C10orf67: variants seen among roughly 807,000 people sequenced by gnomAD.
C10orf67 encodes chromosome 10 open reading frame 67, also known as uncharacterized protein C10orf67, mitochondrial.
In C10orf67, 60 loss-of-function variants were observed where a neutral mutation model predicts 35.6. The ratio of observed to expected loss-of-function variants is 1.68; its 90% confidence interval spans 1.37 to 2.09. The LOEUF is 2.09. C10orf67 is among the 30% of genes most tolerant of loss of function. C10orf67 has a pLI of 0.00. For synonymous variants in C10orf67, 167 were observed against 115.8 expected, an observed-to-expected ratio of 1.44 and a Z score of -2.84; for missense variants, 474 against 330.2, an observed-to-expected ratio of 1.44 and a Z score of -3.38.
intron 2 of C10orf67, among the ~76,000 whole-genome samples, chr10:23,326,661 A>C (rs1845206287): frequency 6.6e-6 from 1 of 152,164 alleles, no homozygotes; most frequent in South Asian, 2.1e-4. Context: ...ATGAGTTTGT[A>C]ATGTATGTAT....
intron 4 of C10orf67, among the ~76,000 whole-genome samples, chr10:23,305,967 G>A (rs79808774): frequency 0.025 from 3,783 of 149,490 alleles, 162 homozygotes; most frequent in African/African-American, 0.087. Context: ...TTACATACGC[G>A]CACACACACA....
chr10:23,316,256 G>T (rs900280671), intron 4 of C10orf67, among the ~76,000 whole-genome samples: 5 of 152,214 alleles, frequency 3.3e-5, no homozygotes, highest in Non-Finnish European at 5.9e-5. Flanking sequence ...TGACAAAGGT[G>T]CCAGCTCCCT....
chr10:23,325,545 A>C (rs4489644), intron 2 of C10orf67, among the ~76,000 whole-genome samples: 56,949 of 140,718 alleles, frequency 0.4, 11,519 homozygotes, highest in Admixed American at 0.45. Flanking sequence ...AAAAAAAAAA[A>C]ACAAAAAACA....
intron 10 of C10orf67, among the ~76,000 whole-genome samples, chr10:23,252,789 T>C (rs1391763867): frequency 6.6e-6 from 1 of 152,194 alleles, no homozygotes; most frequent in Non-Finnish European, 1.5e-5. Context: ...ACACTTTGAG[T>C]CTCAGGTACC....
In C10orf67 at chr10:23,247,530, G is replaced by T. The variant is rs1007077331; in HGVS notation, c.1346+2925C>A. 3.3e-5 allele frequency among the ~76,000 whole-genome samples: 5 copies of T among 152,044 alleles called. No homozygotes were observed. In the East Asian group the frequency reaches 9.6e-4, roughly 29 times the overall value. On this transcript the variant is annotated intron_variant, in intron 12 of 15. Transcript: ENST00000636213. ...AAGATGCTCACACAATGATGAAATC[G>T]CCTAATGACACATTTCTCAGAATCT...
chr10:23,297,870 C>T (rs761439524), intron 5 of C10orf67, among the ~76,000 whole-genome samples: 54 of 152,162 alleles, frequency 3.5e-4, no homozygotes, highest in Non-Finnish European at 5.1e-4. Context: ...CCATTCACAT[C>T]GTAAGATATC....
intron 12 of C10orf67, among the ~76,000 whole-genome samples, chr10:23,241,119 G>C (rs1226283733): frequency 6.6e-6 from 1 of 152,208 alleles, no homozygotes; most frequent in African/African-American, 2.4e-5. Flanking sequence ...GCGTTATGCT[G>C]AAACAATTTC....
At chr10:23,277,776 C>T (rs1036755009) in intron 8 of C10orf67, among the ~76,000 whole-genome samples, 27 of 152,064 alleles carry the variant, frequency 1.8e-4, no homozygotes, top group African/African-American at 5.5e-4. Context: ...ATAGATAAAA[C>T]CCATCTGTGT....
At chr10:23,286,086 A>C (rs1186804659) in intron 7 of C10orf67, among the ~76,000 whole-genome samples, 31 of 152,076 alleles carry the variant, frequency 2.0e-4, no homozygotes, top group Admixed American at 2.0e-3. Context: ...GAAGAGCTTG[A>C]GAAACATTTT....
chr10:23,305,097 C>T (rs1347582838), intron 4 of C10orf67, among the ~76,000 whole-genome samples: 1 of 152,168 alleles, frequency 6.6e-6, no homozygotes, highest in Non-Finnish European at 1.5e-5. Flanking sequence ...GAAGTGTCTG[C>T]TCATCCAAAT....
At chr10:23,298,090 C>T (rs1456190247) in intron 5 of C10orf67, among the ~76,000 whole-genome samples, 1 of 152,054 alleles carries the variant, frequency 6.6e-6, no homozygotes, top group Admixed American at 6.6e-5. Flanking sequence ...CCCATCTCCA[C>T]TAAAAATACA....
At chr10:23,322,598 A>G (rs1588694281) in intron 2 of C10orf67, 61 bp from the exon 3 acceptor site, 1 of 1,145,350 alleles carries the variant, frequency 8.7e-7, no homozygotes, top group East Asian at 2.5e-5. Flanking sequence ...CAAATACTGC[A>G]TGTTGTCACT....
intron 7 of C10orf67, among the ~76,000 whole-genome samples, chr10:23,288,179 C>T (rs142812199): frequency 0.024 from 3,641 of 152,220 alleles, 143 homozygotes; most frequent in African/African-American, 0.083. Context: ...CATATGTTTA[C>T]TGCAGCATTA....
intron 8 of C10orf67, among the ~76,000 whole-genome samples, chr10:23,280,218 A>G (rs1056907490): frequency 6.6e-6 from 1 of 152,178 alleles, no homozygotes; most frequent in Non-Finnish European, 1.5e-5. Flanking sequence ...TGCACTCTTA[A>G]CAAGTCAGAA....
At chr10:23,256,507 G>C (rs1842605781) in intron 10 of C10orf67, among the ~76,000 whole-genome samples, 1 of 152,152 alleles carries the variant, frequency 6.6e-6, no homozygotes, top group Non-Finnish European at 1.5e-5. Flanking sequence ...TGAGAGCCAT[G>C]AACAGTTCAT....
chr10:23,242,181 G>A (rs1258676499), intron 12 of C10orf67, among the ~76,000 whole-genome samples: 1 of 151,978 alleles, frequency 6.6e-6, no homozygotes, highest in Admixed American at 6.6e-5. Flanking sequence ...TGTGTTGTGA[G>A]GCTGGTCTTG....
At chr10:23,246,334 A>G (rs1842315938) in intron 12 of C10orf67, among the ~76,000 whole-genome samples, 1 of 152,212 alleles carries the variant, frequency 6.6e-6, no homozygotes, top group South Asian at 2.1e-4. Flanking sequence ...ACCTGCACAC[A>G]TATCCCCTGA....
intron 5 of C10orf67, among the ~76,000 whole-genome samples, chr10:23,299,437 C>G (rs1393720813): frequency 1.3e-5 from 2 of 152,126 alleles, no homozygotes; most frequent in African/African-American, 2.4e-5. Flanking sequence ...GTTCCTTCCT[C>G]AAGCAGGGGA....
Position 23,323,958 on chromosome 10 carries a change from C to CAT in C10orf67, c.328-1422_328-1421insAT, listed in dbSNP as rs1845084282. Among the ~76,000 whole-genome samples the CAT allele has an allele frequency of 2.2e-5, 2 of 92,158 alleles. 1 individual carries two copies. Among genetic ancestry groups the CAT allele is most frequent in the African/African-American group, 8.4e-5 (2 of 23,874 alleles). The allele number at this position is 92,158 out of a possible 152,430, so 60.5% of individuals were successfully genotyped here. A position where few individuals can be genotyped will look rare whatever the true frequency, so the allele number is the denominator to read the frequency against. ...ATATATATATATATATATATACACA[C>CAT]ACACACACATATGAGTTAAAATGCT... On this transcript the variant is annotated intron_variant, in intron 2 of 15. Transcript: ENST00000636213.
Sources: allele counts gnomAD v4.1 joint callset (sites outside exome capture counted in the v4.1 genomes callset), GRCh38; gene constraint gnomAD v4.1.1; transcripts MANE v1.5; gene names NCBI Gene and HGNC (gene_info 2026-07-23, HGNC 2026-07-21).